The following RSRP1 variants were observed in gnomAD, a reference collection of about 807,000 sequenced individuals.
RSRP1 encodes arginine and serine rich protein 1, also known as arginine/serine-rich protein 1.
RSRP1 carries 37 observed loss-of-function variants against 33.0 expected under a neutral mutation model. That is an observed-to-expected ratio of 1.12 (90% CI 0.86 to 1.48). The LOEUF (loss-of-function observed/expected upper bound fraction) is 1.48, where lower values mean the gene tolerates loss of function less well. Ranked by LOEUF, RSRP1 falls within the 40% of genes most tolerant of loss-of-function variation. The probability of loss-of-function intolerance (pLI) is 0.00; values close to 1 mark genes in which losing one functional copy is unlikely to be tolerated. For missense variants in RSRP1, 402 were observed against 385.3 expected, an observed-to-expected ratio of 1.04 and a Z score of -0.36; for synonymous variants, 167 against 158.7, an observed-to-expected ratio of 1.05 and a Z score of -0.40.
At chr1:25,297,656 C>T (rs1206161642) in intron 1 of RSRP1, among the ~76,000 whole-genome samples, 1 of 131,960 alleles carries the variant, frequency 7.6e-6, no homozygotes, top group African/African-American at 2.6e-5. Context: ...TTTATATCAC[C>T]ATGGGCTCCT....
chr1:25,282,350 T>TCA lies in RSRP1; in HGVS notation c.-66-35322_-66-35321insTG, dbSNP rs1273748287. Among the ~76,000 whole-genome samples, 59 of 131,516 alleles carry TCA rather than the reference T, an allele frequency of 4.5e-4. 7 individuals carry two copies. The highest frequency in any genetic ancestry group is 2.9e-3 in the East Asian group (15 of 5,096). 86.3% of individuals were successfully genotyped at this position (131,516 alleles called of 152,430 possible). ...CCCGGGTTCAAGCGATTCTCCTGCC[T>TCA]GCCTCCCGAGTAGCTGGGATTACAG... is the stretch of plus-strand genomic sequence containing the variant. On this transcript the variant is annotated intron_variant, in intron 1 of 1. Transcript: ENST00000561867.
rs750732049 is a variant in RSRP1, at chr1:25,246,973, C to A, written c.-10G>T. The A allele has an allele frequency of 1.2e-5, 19 of 1,548,316 alleles. No individual in the cohort carries two copies. The highest frequency in any genetic ancestry group is 1.7e-5 in the Non-Finnish European group (19 of 1,145,088). On this transcript the variant is annotated 5_prime_UTR_variant, in exon 2 of 5. Transcript: ENST00000243189. ...TCACGTAGTTGGACATCTTCACCTG[C>A]GGCTTTAGCCTGCGCTTTCTCCGGA...
intron 1 of RSRP1, chr1:25,337,638 A>AGAG (rs1240105890): frequency 7.1e-6 from 1 of 141,206 alleles, no homozygotes; most frequent in East Asian, 2.1e-4. Flanking sequence ...TCCACTGGGT[A>AGAG]GAGGCGGGGG....
At position 25,266,621 on chromosome 1, in the gene RSRP1, G is replaced by T. The variant is rs1444248159; in HGVS notation, c.-66-19592C>A. 2 of 129,124 alleles carry T rather than the reference G, an allele frequency of 1.5e-5. 1 individual carries two copies. The allele number at this position is 129,124 out of a possible 1,614,324, so 8.0% of individuals were successfully genotyped here. On this transcript the variant is annotated intron_variant, in intron 1 of 1. Coordinates refer to the RSRP1 transcript ENST00000561867. ...GTTTCATCCATCAAAGGAAACAACA[G>T]TCACCTTGGTTCCCATCTCACTCAT...
At chr1:25,259,581 C>A (rs1341796459) in intron 1 of RSRP1, among the ~76,000 whole-genome samples, 2 of 152,038 alleles carry the variant, frequency 1.3e-5, no homozygotes, top group East Asian at 3.9e-4. Flanking sequence ...CAGCTCGCCG[C>A]AACCTCCGCC....
At chr1:25,245,728 G>C (rs559698461) in intron 2 of RSRP1, among the ~76,000 whole-genome samples, 1 of 152,048 alleles carries the variant, frequency 6.6e-6, no homozygotes, top group Non-Finnish European at 1.5e-5. Context: ...AGGCCTGAGC[G>C]TCCTATTATT....
rs556296574 is a variant in RSRP1 at position 25,270,686 on chromosome 1, G to A, written c.-66-23657C>T. 4.9e-4 allele frequency among the ~76,000 whole-genome samples: 65 copies of A among 132,218 alleles called. 6 individuals carry two copies. In the East Asian group the frequency reaches 7.0e-3, roughly 14 times the overall value. 86.7% of individuals were successfully genotyped at this position (132,218 alleles called of 152,430 possible). ...CCCAGGTCCTGAAGTTAGGCTGCCT[G>A]GGTTTAAATCCCAGCTCTACTGCTT... On this transcript the variant is annotated intron_variant, in intron 1 of 1. Transcript: ENST00000561867.
rs1436775287 is a variant in RSRP1, at chr1:25,309,743, A to G, written c.-67+28235T>C. 2.3e-5 allele frequency among the ~76,000 whole-genome samples: 3 copies of G among 131,432 alleles called. 1 individual carries two copies. The highest frequency in any genetic ancestry group is 5.4e-5 in the Non-Finnish European group (3 of 55,588). 86.2% of individuals were successfully genotyped at this position (131,432 alleles called of 152,430 possible). On this transcript the variant is annotated intron_variant, in intron 1 of 1. Coordinates refer to the RSRP1 transcript ENST00000561867. ...ATTGGAATTCTTGGTTCACTTCCCTAACCTGAACTTGCCCTCTGTGAAATA... is the reference window on the plus strand; with the variant it reads ...ATTGGAATTCTTGGTTCACTTCCCTGACCTGAACTTGCCCTCTGTGAAATA...
chr1:25,330,845 C>T lies in RSRP1; in HGVS notation c.-67+7133G>A, dbSNP rs1226693828. The stretch of plus-strand genomic sequence containing the variant: ...GGAGGCTGGAAGTTCAAGGTGCCGG[C>T]AAGGTTGGTTTCTGGTGAGACCTCT... On this transcript the variant is annotated intron_variant, in intron 1 of 1. Coordinates refer to the RSRP1 transcript ENST00000561867. Among the ~76,000 whole-genome samples the T allele has an allele frequency of 1.5e-5, 2 of 129,084 alleles. 1 individual carries two copies. The highest frequency in any genetic ancestry group is 3.6e-5 in the Non-Finnish European group (2 of 55,024). 84.7% of individuals were successfully genotyped at this position (129,084 alleles called of 152,430 possible). A position where few individuals can be genotyped will look rare whatever the true frequency, so the allele number is the denominator to read the frequency against.
Position 25,242,671 on chromosome 1 carries a change from T to A in RSRP1, c.791A>T (p.Lys264Ile). ...TGAAGATGCCTCTTCTGTGGCAGCT[T>A]TAGCTGATTTTTGTATTGGCTTTGC... ...SVAKPIQKSA[K>I]AATEEASSRS... The change falls in exon 5 of 5, where the codon AAA (lysine) becomes ATA (isoleucine). Residue 264 changes from lysine to isoleucine, a missense_variant. Coordinates refer to ENST00000243189, the MANE Select transcript of RSRP1 (RefSeq NM_020317.5). The A allele has an allele frequency of 6.2e-7, 1 of 1,610,620 alleles. No individual in the cohort carries two copies. Among genetic ancestry groups the A allele is most frequent in the Non-Finnish European group, 8.5e-7 (1 of 1,179,782 alleles).
At chr1:25,243,659 T>C in intron 3 of RSRP1, 26 bp from the exon 4 acceptor site, 1 of 1,612,102 alleles carries the variant, frequency 6.2e-7, no homozygotes, top group Non-Finnish European at 8.5e-7. Flanking sequence ...AAAAGTGTAA[T>C]TTTAAAACAC....
Position 25,296,909 on chromosome 1 carries a change from A to C in RSRP1, c.-67+41069T>G, listed in dbSNP as rs1163820977. On this transcript the variant is annotated intron_variant, in intron 1 of 1. Transcript: ENST00000561867. ...CAGTCTCAGGAAGTATCTTTATAGC[A>C]GTGTGAAAACAGACTAACACAATTT... Among the ~76,000 whole-genome samples the C allele has an allele frequency of 3.8e-5, 5 of 130,566 alleles. 2 individuals are homozygous for C. Among genetic ancestry groups the C allele is most frequent in the Non-Finnish European group, 9.0e-5 (5 of 55,498 alleles). The allele number at this position is 130,566 out of a possible 152,430, so 85.7% of individuals were successfully genotyped here.
rs1465253327 is a variant in RSRP1 at position 25,280,782 on chromosome 1, T to G, written c.-66-33753A>C. ...ACTCGCCACCACGCCCAAGTAATTT[T>G]GTATTTTTTGTAGAGACAAGGTCTT... is the stretch of plus-strand genomic sequence containing the variant. On this transcript the variant is annotated intron_variant, in intron 1 of 1. Coordinates refer to the RSRP1 transcript ENST00000561867. 2.4e-4 allele frequency among the ~76,000 whole-genome samples: 32 copies of G among 130,728 alleles called. 4 individuals are homozygous for G. The highest frequency in any genetic ancestry group is 8.1e-4 in the African/African-American group (31 of 38,112). The allele number at this position is 130,728 out of a possible 152,430, so 85.8% of individuals were successfully genotyped here. A position where few individuals can be genotyped will look rare whatever the true frequency, so the allele number is the denominator to read the frequency against.
intron 1 of RSRP1, among the ~76,000 whole-genome samples, chr1:25,285,475 A>G (rs569479694): frequency 1.5e-5 from 2 of 134,896 alleles, no homozygotes; most frequent in Non-Finnish European, 3.5e-5. Flanking sequence ...TCAGCCCCCT[A>G]ATGCTGCTAG....
chr1:25,254,014 T>C (rs1219191383), intron 1 of RSRP1: 1 of 152,212 alleles, frequency 6.6e-6, no homozygotes, highest in African/African-American at 2.4e-5. Flanking sequence ...AGAGATTAGT[T>C]GAGATTAGAC....
At chr1:25,284,957 C>G (rs1641837955) in intron 1 of RSRP1, among the ~76,000 whole-genome samples, 1 of 134,970 alleles carries the variant, frequency 7.4e-6, no homozygotes, top group South Asian at 2.2e-4. Flanking sequence ...TACTGGACAG[C>G]CCTACTCCGT....
intron 4 of RSRP1, 58 bp downstream of exon 4, chr1:25,243,492 G>C: frequency 1.3e-6 from 2 of 1,586,628 alleles, no homozygotes; most frequent in South Asian, 1.1e-5. Flanking sequence ...AAAACACAAA[G>C]ATGCAAAAAT....
Position 25,319,748 on chromosome 1 carries a change from A to C in RSRP1, c.-67+18230T>G, listed in dbSNP as rs1368753276. 1.5e-5 allele frequency among the ~76,000 whole-genome samples: 2 copies of C among 132,824 alleles called. 1 individual carries two copies. The highest frequency in any genetic ancestry group is 3.6e-5 in the Non-Finnish European group (2 of 55,954). The allele number at this position is 132,824 out of a possible 152,430, so 87.1% of individuals were successfully genotyped here. A position where few individuals can be genotyped will look rare whatever the true frequency, so the allele number is the denominator to read the frequency against. On this transcript the variant is annotated intron_variant, in intron 1 of 1. Coordinates refer to the RSRP1 transcript ENST00000561867. ...TCTATGGGCCTGTCTGTATTTATTT[A>C]AGAAACAATCCTATCAAGCATAGTT...
chr1:25,300,141 T>A (rs1403185907), intron 1 of RSRP1, among the ~76,000 whole-genome samples: 4 of 131,506 alleles, frequency 3.0e-5, no homozygotes, highest in Non-Finnish European at 7.2e-5. Context: ...AGAGTTAAAA[T>A]TCCGCTGAGA....
Sources: gnomAD v4.1 joint callset for allele counts (sites outside exome capture counted in the v4.1 genomes callset) on GRCh38, gnomAD v4.1.1 for gene constraint, MANE v1.5 for transcripts, NCBI Gene and HGNC (gene_info 2026-07-23, HGNC 2026-07-21) for gene names.